The following HOMER1 variants were observed in gnomAD, a reference collection of about 807,000 sequenced individuals.
HOMER1 encodes the protein homer protein homolog 1.
HOMER1 carries 3 observed loss-of-function variants against 48.9 expected under a neutral mutation model. That is an observed-to-expected ratio of 0.06 (90% confidence interval 0.03 to 0.16). The LOEUF is 0.16. Ranked by LOEUF, HOMER1 falls within the 10% of genes least tolerant of loss-of-function variation. The pLI is 1.00. For missense variants in HOMER1, 247 were observed against 411.4 expected (o/e 0.60, Z 3.46); for synonymous variants, 134 against 146.4 (o/e 0.92, Z 0.61).
chr5:79,379,124 A>C (rs866895842), intron 8 of HOMER1, among the ~76,000 whole-genome samples: 2 of 87,418 alleles, frequency 2.3e-5, no homozygotes, highest in African/African-American at 4.8e-5. Context: ...AAAATATATA[A>C]ATATTTATTT....
chr5:79,379,451 A>G (rs938341150), intron 8 of HOMER1, among the ~76,000 whole-genome samples: 2 of 111,010 alleles, frequency 1.8e-5, no homozygotes, highest in Non-Finnish European at 3.5e-5. Context: ...ATATTTATAT[A>G]ATATATAATA....
chr5:79,474,202 C>CA (rs1751694758), intron 1 of HOMER1, among the ~76,000 whole-genome samples: 4 of 138,758 alleles, frequency 2.9e-5, no homozygotes, highest in African/African-American at 1.1e-4. Context: ...CATGCCCAAC[C>CA]AAAATTTTTT....
chr5:79,499,818 C>T (rs781218609), intron 1 of HOMER1, among the ~76,000 whole-genome samples: 13 of 152,188 alleles, frequency 8.5e-5, no homozygotes, highest in African/African-American at 1.2e-4. Context: ...GTTGCTATTG[C>T]AGTGAGCTCA....
chr5:79,412,409 C>A (rs1749835278), intron 5 of HOMER1, among the ~76,000 whole-genome samples: 1 of 152,218 alleles, frequency 6.6e-6, no homozygotes, highest in Admixed American at 6.5e-5. Flanking sequence ...TTAAAGTTAT[C>A]TGTGTTTATA....
intron 5 of HOMER1, among the ~76,000 whole-genome samples, chr5:79,405,398 A>T (rs1052190168): frequency 1.3e-5 from 2 of 152,196 alleles, no homozygotes. Context: ...CAAACTAATA[A>T]ACATAATTTT....
chr5:79,454,701 T>C (rs1293592175), intron 2 of HOMER1, among the ~76,000 whole-genome samples: 1 of 152,208 alleles, frequency 6.6e-6, no homozygotes, highest in Non-Finnish European at 1.5e-5. Flanking sequence ...TCTTATCATC[T>C]AGTTAACCTA....
intron 1 of HOMER1, among the ~76,000 whole-genome samples, chr5:79,459,414 T>C (rs56138300): frequency 0.066 from 10,086 of 152,256 alleles, 853 homozygotes; most frequent in East Asian, 0.19. Flanking sequence ...GCAAATGCCA[T>C]TTGAATATCA....
chr5:79,424,381 T>TA (rs1263117410), intron 5 of HOMER1, among the ~76,000 whole-genome samples: 3 of 151,926 alleles, frequency 2.0e-5, no homozygotes, highest in South Asian at 2.1e-4. Flanking sequence ...AGCTCTTGGT[T>TA]AAAAAAAATG....
chr5:79,448,937 G>A (rs1750957227), intron 3 of HOMER1, among the ~76,000 whole-genome samples: 1 of 150,584 alleles, frequency 6.6e-6, no homozygotes, highest in East Asian at 1.9e-4. Context: ...CAGTAAGGCT[G>A]GTCAAAAGCA....
chr5:79,498,465 T>G (rs192139410), intron 1 of HOMER1, among the ~76,000 whole-genome samples: 1 of 152,192 alleles, frequency 6.6e-6, no homozygotes, highest in African/African-American at 2.4e-5. Context: ...CAGTTGCTAG[T>G]AGGAACTCAA....
intron 1 of HOMER1, among the ~76,000 whole-genome samples, chr5:79,465,584 CTTTTTTT>C (rs10666507): frequency 1.9e-4 from 15 of 77,904 alleles, no homozygotes; most frequent in East Asian, 1.4e-3. Flanking sequence ...TACATTTCTT[CTTTTTTT>C]TTTTTTTTTT....
chr5:79,376,892 G>A (rs980830480), intron 8 of HOMER1, among the ~76,000 whole-genome samples: 10 of 152,152 alleles, frequency 6.6e-5, no homozygotes, highest in Non-Finnish European at 1.5e-4. Flanking sequence ...AACACTAAAT[G>A]ATTTGTTTTT....
At chr5:79,501,202 C>T (rs1381146755) in intron 1 of HOMER1, among the ~76,000 whole-genome samples, 4 of 152,074 alleles carry the variant, frequency 2.6e-5, no homozygotes, top group Non-Finnish European at 5.9e-5. Context: ...AACTGGTAAG[C>T]TCAAGCCATC....
intron 6 of HOMER1, among the ~76,000 whole-genome samples, chr5:79,401,669 T>C (rs985925185): frequency 1.9e-4 from 29 of 152,194 alleles, no homozygotes; most frequent in Non-Finnish European, 7.3e-5. Flanking sequence ...CCATGGATAA[T>C]ATGGGGAATC....
At chr5:79,384,606 T>C (rs548837950) in intron 8 of HOMER1, among the ~76,000 whole-genome samples, 6 of 152,184 alleles carry the variant, frequency 3.9e-5, no homozygotes, top group Admixed American at 2.6e-4. Context: ...AACTATTCCA[T>C]AAAAATTGAA....
chr5:79,418,087 T>C (rs367642802), intron 5 of HOMER1, among the ~76,000 whole-genome samples: 1 of 152,236 alleles, frequency 6.6e-6, no homozygotes, highest in African/African-American at 2.4e-5. Flanking sequence ...TAACATCGAA[T>C]TATTTAAATG....
intron 1 of HOMER1, among the ~76,000 whole-genome samples, chr5:79,465,815 G>T (rs370133120): frequency 2.6e-5 from 4 of 151,756 alleles, no homozygotes; most frequent in African/African-American, 9.7e-5. Flanking sequence ...GGATGGTCTC[G>T]ATCTCCTGTC....
chr5:79,421,996 G>A (rs1290339390), intron 5 of HOMER1, among the ~76,000 whole-genome samples: 1 of 152,180 alleles, frequency 6.6e-6, no homozygotes, highest in African/African-American at 2.4e-5. Flanking sequence ...GGAGGCCAAG[G>A]AGGGTGAATC....
At chr5:79,406,451 G>C (rs1009134041) in intron 5 of HOMER1, among the ~76,000 whole-genome samples, 2 of 152,182 alleles carry the variant, frequency 1.3e-5, no homozygotes, top group South Asian at 2.1e-4. Context: ...GATACAAAAG[G>C]GAATTTGTAC....
Sources: allele counts gnomAD v4.1 joint callset (sites outside exome capture counted in the v4.1 genomes callset), GRCh38; gene constraint gnomAD v4.1.1; transcripts MANE v1.5; gene names NCBI Gene and HGNC (gene_info 2026-07-23, HGNC 2026-07-21).